The following SYMPK variants were observed in gnomAD, a reference collection of about 807,000 sequenced individuals.
SYMPK encodes symplekin.
Under a neutral mutation model 136.4 loss-of-function variants are expected in SYMPK, and 49 were observed. The ratio of observed to expected loss-of-function variants is 0.36; its 90% confidence interval spans 0.29 to 0.46. The LOEUF (loss-of-function observed/expected upper bound fraction) is 0.46, where lower values mean the gene tolerates loss of function less well. Among genes scored for constraint, SYMPK ranks in the 20% least tolerant of loss-of-function variants. SYMPK has a pLI of 1.00. For missense variants in SYMPK, 1,365 were observed against 1,690.0 expected (o/e 0.81, Z 3.37); for synonymous variants, 766 against 713.0 (o/e 1.07, Z -1.19).
intron 9 of SYMPK, among the ~76,000 whole-genome samples, chr19:45,840,784 A>C (rs1368244005): frequency 6.6e-6 from 1 of 152,006 alleles, no homozygotes; most frequent in Admixed American, 6.6e-5. Context: ...CAGAGGCTGC[A>C]GTGAGCCCAG....
intron 1 of SYMPK, among the ~76,000 whole-genome samples, chr19:45,862,733 C>T (rs1215869278): frequency 6.6e-6 from 1 of 152,216 alleles, no homozygotes; most frequent in Non-Finnish European, 1.5e-5. Flanking sequence ...AAGGGACAGC[C>T]TGTGCAAAAT....
At chr19:45,822,926 T>C (rs1970941365) in intron 20 of SYMPK, 80 bp from the exon 21 acceptor site, 1 of 1,240,212 alleles carries the variant, frequency 8.1e-7, no homozygotes, top group Non-Finnish European at 1.2e-6. Flanking sequence ...CCCCTTCTGC[T>C]CGCCCTGGGG....
Position 45,831,711 on chromosome 19 carries a change from C to G in SYMPK, c.1394-123G>C. 3 of 685,342 alleles carry G rather than the reference C, an allele frequency of 4.4e-6. No homozygotes were observed. In the Admixed American group the frequency reaches 9.9e-5, roughly 23 times the overall value. The allele number at this position is 685,342 out of a possible 1,614,324, so 42.5% of individuals were successfully genotyped here. A position where few individuals can be genotyped will look rare whatever the true frequency, so the allele number is the denominator to read the frequency against. The stretch of plus-strand genomic sequence containing the variant: ...ACACAAAACCTCGTTTAAATCCACA[C>G]AACACTGTCCTGGAGTGGGTACTCT... On this transcript the variant is annotated intron_variant, in intron 11 of 26. Coordinates refer to ENST00000245934, the MANE Select transcript of SYMPK (RefSeq NM_004819.3).
intron 5 of SYMPK, 33 bp downstream of exon 5, chr19:45,852,279 A>T (rs763767025): frequency 6.2e-7 from 1 of 1,613,654 alleles, no homozygotes; most frequent in East Asian, 2.2e-5. Context: ...CACCAGTGAG[A>T]ATGCTCCCGG....
chr19:45,815,727 G>C (rs529489958), intron 26 of SYMPK, 30 bp from the exon 27 acceptor site: 3 of 1,603,862 alleles, frequency 1.9e-6, no homozygotes, highest in Non-Finnish European at 2.6e-6. Context: ...AGGGCAGCCG[G>C]GTGGAGGGCG....
At chr19:45,845,399 C>G (rs768262867) in intron 7 of SYMPK, among the ~76,000 whole-genome samples, 3 of 152,176 alleles carry the variant, frequency 2.0e-5, no homozygotes, top group Non-Finnish European at 4.4e-5. Context: ...CCGTCTGTCT[C>G]CATGAGTTCA....
intron 11 of SYMPK, among the ~76,000 whole-genome samples, chr19:45,834,461 A>AAC (rs944833505): frequency 3.0e-4 from 45 of 150,618 alleles, no homozygotes; most frequent in African/African-American, 1.1e-3. Flanking sequence ...TTTGTCTCAA[A>AAC]AAAAAAAAAA....
rs10401920 is a variant in SYMPK at position 45,844,689 on chromosome 19, T to A, written c.677-489A>T. ...GACTCCATATTAAAAAAAAAAAAAA[T>A]TTAGTTATAAAGATGTTCAAAGCAT... On this transcript the variant is annotated intron_variant, in intron 7 of 26. Transcript: ENST00000245934. Among the ~76,000 whole-genome samples, 1,385 of 148,478 alleles carry A rather than the reference T, an allele frequency of 9.3e-3. 26 individuals carry two copies. Among genetic ancestry groups the A allele is most frequent in the African/African-American group, 0.033 (1,312 of 40,128 alleles).
intron 10 of SYMPK, among the ~76,000 whole-genome samples, chr19:45,836,336 TA>T (rs984209387): frequency 1.3e-5 from 2 of 151,876 alleles, no homozygotes; most frequent in African/African-American, 4.8e-5. Context: ...TTTGAAGCTT[TA>T]AAAAAAATTT....
intron 23 of SYMPK, 171 bp from the exon 24 acceptor site, chr19:45,817,145 T>C: frequency 1.6e-6 from 1 of 640,880 alleles, no homozygotes; most frequent in Non-Finnish European, 2.5e-6. Flanking sequence ...GTCTTCCCGA[T>C]CCAGGCGGCT....
intron 15 of SYMPK, 76 bp downstream of exon 15, chr19:45,827,761 C>G (rs1971079095): frequency 1.3e-6 from 2 of 1,544,488 alleles, no homozygotes; most frequent in African/African-American, 2.7e-5. Context: ...AAGGTTTAGA[C>G]TGTGTGCCCT....
rs1258376198 is a variant in SYMPK at position 45,826,366 on chromosome 19, G to A, written c.2189C>T (p.Ser730Phe). Residue 730 changes from serine to phenylalanine, a missense_variant, in exon 17 of 27, where the codon TCC (serine) becomes TTC (phenylalanine). Ser to Phe is a radical substitution (Grantham distance 155). Coordinates refer to ENST00000245934, the MANE Select transcript of SYMPK (RefSeq NM_004819.3). ...GCGTTTGATGAACAGCAGGGCCTGG[G>A]AGCGCACCTGAGGAGGAAGATGGAG... is the stretch of plus-strand genomic sequence containing the variant. ...LSSHEKDKVR[S>F]QALLFIKRMY... 7 of 1,613,968 alleles carry A rather than the reference G, an allele frequency of 4.3e-6. No homozygotes were observed. The highest frequency in any genetic ancestry group is 5.9e-6 in the Non-Finnish European group (7 of 1,180,034).
At chr19:45,825,787 C>G (rs555498341) in intron 17 of SYMPK, among the ~76,000 whole-genome samples, 6 of 152,280 alleles carry the variant, frequency 3.9e-5, no homozygotes, top group Admixed American at 1.3e-4. Flanking sequence ...GCCTGGTCCA[C>G]GGCACCTGCT....
chr19:45,820,677 T>TACC (rs1365326867), intron 22 of SYMPK: 1 of 157,890 alleles, frequency 6.3e-6, no homozygotes, highest in Non-Finnish European at 1.4e-5. Flanking sequence ...AGGTGGTCCT[T>TACC]AGACGCGGAA....
chr19:45,815,944 G>C lies in SYMPK; in HGVS notation c.3594C>G (p.Cys1198Trp). 3 of 1,611,306 alleles carry C rather than the reference G, an allele frequency of 1.9e-6. No homozygotes were observed. The highest frequency in any genetic ancestry group is 1.7e-6 in the Non-Finnish European group (2 of 1,179,514). ...TGCTGATGAAGATGCCCGGGGTCTC[G>C]CACTCAGGCCCCTCCTCCCGGAAAT... is the stretch of plus-strand genomic sequence containing the variant. Reference protein sequence around the residue: ...AMDFREEGPECETPGIFISMD... With the variant: ...AMDFREEGPEWETPGIFISMD... Residue 1198 changes from cysteine to tryptophan, a missense_variant, in exon 26 of 27, where the codon TGC (cysteine) becomes TGG (tryptophan). Transcript: ENST00000245934.
Position 45,856,319 on chromosome 19 carries a change from C to CA in SYMPK, c.-12-1813dup, listed in dbSNP as rs1971820996. 2.6e-5 allele frequency among the ~76,000 whole-genome samples: 4 copies of CA among 151,736 alleles called. No individual in the cohort carries two copies. The South Asian group carries it at 8.3e-4, about 32-fold the overall frequency. ...CATGCCACTGCACTCCAGTCTGGGA[C>CA]ATAAAGACAGACTCCATCTCAAAAA... On this transcript the variant is annotated intron_variant, in intron 1 of 26. Coordinates refer to ENST00000245934, the MANE Select transcript of SYMPK (RefSeq NM_004819.3).
chr19:45,828,574 G>A (rs903546124), intron 14 of SYMPK: 8 of 227,848 alleles, frequency 3.5e-5, no homozygotes, highest in South Asian at 3.0e-4. Flanking sequence ...GAGGATAGAC[G>A]AGTAAGCTGG....
rs1236500837 is a variant in SYMPK at position 45,827,860 on chromosome 19, C to T, written c.2044G>A (p.Val682Ile). ...ACCTCATCCTCGCAGTACTTGCGGA[C>T]CACCTCCAGGGCACTCTCTGTGATG... The part of the protein sequence containing the change: ...PLITESALEV[V>I]RKYCEDESRT... The change falls in exon 15 of 27, where the codon GTC becomes ATC. Residue 682 changes from valine to isoleucine, a missense_variant. Val to Ile is a conservative substitution (Grantham distance 29). Transcript: ENST00000245934. The T allele has an allele frequency of 6.2e-7, 1 of 1,613,946 alleles. No homozygotes were observed. Among genetic ancestry groups the T allele is most frequent in the African/African-American group, 1.3e-5 (1 of 74,944 alleles).
rs766116418 is a variant in SYMPK, at chr19:45,827,616, G to A, written c.2075C>T (p.Thr692Ile). Residue 692 changes from threonine to isoleucine, a missense_variant, in exon 16 of 27, where the codon ACC becomes ATC. Physicochemically the swap from Thr to Ile is moderately conservative, Grantham distance 89. Coordinates refer to ENST00000245934, the MANE Select transcript of SYMPK (RefSeq NM_004819.3). ...TCGAAGTGTGGACATGCCCAGATAG[G>A]TGCGACTCTGCAGCAAAAGGAAAGG... ...VRKYCEDESR[T>I]YLGMSTLRDL... 2.5e-6 allele frequency: 4 copies of A among 1,613,948 alleles called. No homozygotes were observed. Among genetic ancestry groups the A allele is most frequent in the African/African-American group, 2.7e-5 (2 of 74,926 alleles).
Sources: gnomAD v4.1 joint callset for allele counts (sites outside exome capture counted in the v4.1 genomes callset) on GRCh38, gnomAD v4.1.1 for gene constraint, MANE v1.5 for transcripts, NCBI Gene and HGNC (gene_info 2026-07-23, HGNC 2026-07-21) for gene names.